CDH13: variants seen among roughly 807,000 people sequenced by gnomAD.
CDH13 encodes the protein cadherin-13.
Under a neutral mutation model 63.8 loss-of-function variants are expected in CDH13, and 24 were observed. The ratio of observed to expected loss-of-function variants is 0.38; its 90% confidence interval spans 0.27 to 0.53. The LOEUF (loss-of-function observed/expected upper bound fraction) is 0.53, where lower values mean the gene tolerates loss of function less well. Ranked by LOEUF, CDH13 falls within the 20% of genes least tolerant of loss-of-function variation. CDH13 has a pLI of 0.85. For missense variants in CDH13, 1,049 were observed against 903.1 expected (o/e 1.16, Z -2.07); for synonymous variants, 503 against 355.3 (o/e 1.42, Z -4.67).
chr16:82,877,417 G>T (rs1362866033), intron 2 of CDH13, among the ~76,000 whole-genome samples: 1 of 152,158 alleles, frequency 6.6e-6, no homozygotes, highest in African/African-American at 2.4e-5. Context: ...ATTAAGTCAG[G>T]TTGACGAAGG....
At chr16:82,908,618 CT>C in intron 2 of CDH13, among the ~76,000 whole-genome samples, 1 of 152,126 alleles carries the variant, frequency 6.6e-6, no homozygotes, top group East Asian at 1.9e-4. Context: ...ATATTCTTCC[CT>C]TAGAGGCAAC....
In CDH13 at chr16:82,800,519, A is replaced by G. The variant is rs181713637; in HGVS notation, c.46-57843A>G. Reference sequence around the variant, plus strand: ...CTCCCAGTATGTGGAAAAATGCTTCAGATGTTGACACATTTCACAGAAGTG... The same window carrying G: ...CTCCCAGTATGTGGAAAAATGCTTCGGATGTTGACACATTTCACAGAAGTG... On this transcript the variant is annotated intron_variant, in intron 1 of 13. Transcript: ENST00000567109. 4.5e-3 allele frequency among the ~76,000 whole-genome samples: 693 copies of G among 152,328 alleles called. 3 individuals are homozygous for G. Among genetic ancestry groups the G allele is most frequent in the Middle Eastern group, 0.024 (7 of 294 alleles).
rs757224272 is a variant in CDH13, at chr16:83,244,763, C to T, written c.636+27266C>T. 1.4e-4 allele frequency among the ~76,000 whole-genome samples: 21 copies of T among 152,272 alleles called. No individual in the cohort carries two copies. The South Asian group carries it at 2.7e-3, about 20-fold the overall frequency. ...GCAACAGCTTTCAAGCGGAGTCACA[C>T]GGGACACACTTAATTCCCCCAGGGA... On this transcript the variant is annotated intron_variant, in intron 5 of 13. Transcript: ENST00000567109.
intron 8 of CDH13, among the ~76,000 whole-genome samples, chr16:83,650,190 T>G (rs886940131): frequency 1.3e-5 from 2 of 152,032 alleles, no homozygotes; most frequent in African/African-American, 4.8e-5. Context: ...ATGTATTTAT[T>G]GAAAAGCAGC....
intron 11 of CDH13, among the ~76,000 whole-genome samples, chr16:83,749,416 C>T (rs578204232): frequency 2.0e-5 from 3 of 152,110 alleles, no homozygotes; most frequent in Admixed American, 2.0e-4. Flanking sequence ...GTGGCATTAC[C>T]CAGAAATCCA....
chr16:82,916,403 GTC>G (rs1295918164), intron 2 of CDH13, among the ~76,000 whole-genome samples: 2 of 151,976 alleles, frequency 1.3e-5, no homozygotes, highest in African/African-American at 4.8e-5. Flanking sequence ...GTGAAACCCC[GTC>G]TCTACTAAAA....
At chr16:82,719,473 T>A (rs1350179623) in intron 1 of CDH13, 1 of 455,532 alleles carries the variant, frequency 2.2e-6, no homozygotes, top group African/African-American at 2.0e-5. Flanking sequence ...TGATGCCAAC[T>A]TCGTAAGTTA....
intron 5 of CDH13, among the ~76,000 whole-genome samples, chr16:83,281,788 C>A (rs2089183517): frequency 6.6e-6 from 1 of 151,840 alleles, no homozygotes; most frequent in Non-Finnish European, 1.5e-5. Context: ...TGGCGCGCAC[C>A]TGTAATCCCA....
intron 4 of CDH13, among the ~76,000 whole-genome samples, chr16:83,191,692 T>C (rs1709564083): frequency 6.6e-6 from 1 of 151,510 alleles, no homozygotes; most frequent in South Asian, 2.1e-4. Flanking sequence ...AACTTGGAGT[T>C]TGATGTTCGA....
At chr16:82,666,897 G>C (rs12922128) in intron 1 of CDH13, among the ~76,000 whole-genome samples, 35,835 of 152,010 alleles carry the variant, frequency 0.24, 4,258 homozygotes, top group East Asian at 0.34. Flanking sequence ...TGTCAAGATG[G>C]GTGACAATTA....
chr16:83,495,169 C>T (rs558617527), intron 7 of CDH13, among the ~76,000 whole-genome samples: 2 of 152,160 alleles, frequency 1.3e-5, no homozygotes, highest in South Asian at 2.1e-4. Flanking sequence ...ACCCTGAGAA[C>T]ATATGCCCAA....
rs143614931 is a variant in CDH13, at chr16:82,732,286, C to G, written c.45+105149C>G. Among the ~76,000 whole-genome samples the G allele has an allele frequency of 9.5e-3, 1,439 of 152,066 alleles. 15 individuals carry two copies. The highest frequency in any genetic ancestry group is 0.01 in the Non-Finnish European group (707 of 67,986). ...AATTGTGATTTAAAAAAAAATAGGTCTGTATTTAAAAGTTTTAGTGTCAGC... is the reference window on the plus strand; with the variant it reads ...AATTGTGATTTAAAAAAAAATAGGTGTGTATTTAAAAGTTTTAGTGTCAGC... On this transcript the variant is annotated intron_variant, in intron 1 of 13. Coordinates refer to ENST00000567109, the MANE Select transcript of CDH13 (RefSeq NM_001257.5).
intron 7 of CDH13, among the ~76,000 whole-genome samples, chr16:83,503,746 T>G (rs183110578): frequency 3.3e-5 from 5 of 152,330 alleles, no homozygotes; most frequent in Admixed American, 2.6e-4. Context: ...TTGTTTGTTT[T>G]TTTTCTTGTA....
intron 3 of CDH13, among the ~76,000 whole-genome samples, chr16:83,111,249 G>A (rs1482901644): frequency 6.6e-6 from 1 of 151,400 alleles, no homozygotes; most frequent in African/African-American, 2.4e-5. Context: ...GAGGAGTAGA[G>A]TAAAAAAAAT....
intron 1 of CDH13, among the ~76,000 whole-genome samples, chr16:82,697,548 C>T (rs2030471639): frequency 6.6e-6 from 1 of 150,514 alleles, no homozygotes; most frequent in South Asian, 2.1e-4. Flanking sequence ...TCTGCCTCAG[C>T]CTCCTGAGTA....
intron 8 of CDH13, among the ~76,000 whole-genome samples, chr16:83,646,575 C>T (rs942455392): frequency 6.6e-6 from 1 of 151,386 alleles, no homozygotes; most frequent in African/African-American, 2.4e-5. Flanking sequence ...GGTGGCGCAT[C>T]CCTGTAGTCC....
chr16:83,243,293 A>G (rs914370534), intron 5 of CDH13, among the ~76,000 whole-genome samples: 1 of 152,202 alleles, frequency 6.6e-6, no homozygotes, highest in African/African-American at 2.4e-5. Flanking sequence ...ACAGTTCCTC[A>G]TGGCTGGAGA....
At chr16:82,984,957 G>T (rs1910750912) in intron 2 of CDH13, among the ~76,000 whole-genome samples, 1 of 152,094 alleles carries the variant, frequency 6.6e-6, no homozygotes, top group African/African-American at 2.4e-5. Flanking sequence ...TTAGCTGCTT[G>T]CAAAGCCAGA....
At chr16:83,055,665 A>G (rs1255715442) in intron 3 of CDH13, among the ~76,000 whole-genome samples, 4 of 152,074 alleles carry the variant, frequency 2.6e-5, no homozygotes, top group Admixed American at 2.6e-4. Context: ...ATTCCACCAA[A>G]CTTTTAAAGA....
Sources: gnomAD v4.1 joint callset for allele counts (sites outside exome capture counted in the v4.1 genomes callset) on GRCh38, gnomAD v4.1.1 for gene constraint, MANE v1.5 for transcripts, NCBI Gene and HGNC (gene_info 2026-07-23, HGNC 2026-07-21) for gene names.